ATXN7: variants seen among roughly 807,000 people sequenced by gnomAD.
ATXN7 encodes ataxin-7.
Under a neutral mutation model 70.5 loss-of-function variants are expected in ATXN7, and 12 were observed. That is an observed-to-expected ratio of 0.17 (90% CI 0.11 to 0.28). The LOEUF (loss-of-function observed/expected upper bound fraction) is 0.28. Ranked by LOEUF, ATXN7 falls within the 10% of genes least tolerant of loss-of-function variation. The pLI is 1.00. For missense variants in ATXN7, 1,256 were observed against 1,131.7 expected (o/e 1.11, Z -1.58); for synonymous variants, 498 against 448.7 (o/e 1.11, Z -1.39).
chr3:63,916,401 G>C (rs1704269880), intron 4 of ATXN7, among the ~76,000 whole-genome samples: 1 of 152,152 alleles, frequency 6.6e-6, no homozygotes, highest in Non-Finnish European at 1.5e-5. Context: ...AGCTTCCCTT[G>C]GATTCTCAAA....
intron 5 of ATXN7, among the ~76,000 whole-genome samples, chr3:63,957,024 A>G (rs1001436494): frequency 2.0e-5 from 3 of 152,166 alleles, no homozygotes; most frequent in Admixed American, 6.5e-5. Context: ...TACTACTTAC[A>G]TGCATTTACT....
Position 63,898,460 on chromosome 3 carries a change from A to C in ATXN7, c.-49A>C, listed in dbSNP as rs1418100762. The C allele has an allele frequency of 6.6e-6, 1 of 152,200 alleles. No homozygotes were observed. The highest frequency in any genetic ancestry group is 1.5e-5 in the Non-Finnish European group (1 of 68,036). 9.4% of individuals were successfully genotyped at this position (152,200 alleles called of 1,614,324 possible). Reference sequence around the variant, plus strand: ...TGCAGCAGATGAAGATCCATTGGTAAATTGATCAGGATTTTTGGCCTACCC... The same window carrying C: ...TGCAGCAGATGAAGATCCATTGGTACATTGATCAGGATTTTTGGCCTACCC... On this transcript the variant is annotated 5_prime_UTR_variant, in exon 2 of 13. The change abolishes the stop of an existing upstream ORF in the 5' untranslated region. Coordinates refer to ENST00000674280, the MANE Select transcript of ATXN7 (RefSeq NM_001377405.1).
Position 63,990,082 on chromosome 3 carries a change from G to A in ATXN7, c.1362-94G>A, listed in dbSNP as rs1280342756. 3 of 1,245,778 alleles carry A rather than the reference G, an allele frequency of 2.4e-6. No homozygotes were observed. The East Asian group carries it at 7.1e-5, about 29-fold the overall frequency. The allele number at this position is 1,245,778 out of a possible 1,614,324, so 77.2% of individuals were successfully genotyped here. A position where few individuals can be genotyped will look rare whatever the true frequency, so the allele number is the denominator to read the frequency against. On this transcript the variant is annotated intron_variant, in intron 9 of 12. Transcript: ENST00000674280. ...TGCTAGAGGTGGAACCCAGGCCTCT[G>A]CTAGGTTGTTTTGGACACACTGTTG...
chr3:63,881,277 C>T (rs1321750300), intron 1 of ATXN7, among the ~76,000 whole-genome samples: 1 of 152,074 alleles, frequency 6.6e-6, no homozygotes, highest in Non-Finnish European at 1.5e-5. Flanking sequence ...GCTGAGAATG[C>T]TGAGGTTGAG....
intron 11 of ATXN7, among the ~76,000 whole-genome samples, chr3:63,993,143 G>A (rs2075698382): frequency 6.6e-6 from 1 of 152,132 alleles, no homozygotes; most frequent in African/African-American, 2.4e-5. Flanking sequence ...TCTGCAGCAT[G>A]GCCATAACCT....
intron 2 of ATXN7, 134 bp from the exon 3 acceptor site, chr3:63,912,454 C>A: frequency 2.4e-6 from 1 of 414,624 alleles, no homozygotes; most frequent in Non-Finnish European, 3.3e-6. Context: ...GCTCGGGGGG[C>A]TGGGCGGCCA....
At chr3:63,974,142 G>A (rs1385196629) in intron 5 of ATXN7, among the ~76,000 whole-genome samples, 1 of 149,360 alleles carries the variant, frequency 6.7e-6, no homozygotes, top group Non-Finnish European at 1.5e-5. Flanking sequence ...CATCTTGGAT[G>A]CTTTAAGACC....
intron 5 of ATXN7, among the ~76,000 whole-genome samples, chr3:63,970,295 A>G (rs930146812): frequency 5.9e-5 from 9 of 152,300 alleles, no homozygotes; most frequent in African/African-American, 1.9e-4. Context: ...TCCTCTGGTC[A>G]AAAGTCTGCA....
At chr3:63,962,601 C>G (rs75253630) in intron 5 of ATXN7, among the ~76,000 whole-genome samples, 2 of 151,940 alleles carry the variant, frequency 1.3e-5, no homozygotes, top group Non-Finnish European at 2.9e-5. Context: ...GACAGAATTT[C>G]GCCATGTTGG....
At position 63,863,927 on chromosome 3, in the gene ATXN7, C is replaced by T. The variant is rs1024662087; in HGVS notation, c.-342C>T. 1 of 741,668 alleles carries T rather than the reference C, an allele frequency of 1.3e-6. No homozygotes were observed. The highest frequency in any genetic ancestry group is 1.7e-6 in the Non-Finnish European group (1 of 604,846). The allele number at this position is 741,668 out of a possible 1,614,324, so 45.9% of individuals were successfully genotyped here. A position where few individuals can be genotyped will look rare whatever the true frequency, so the allele number is the denominator to read the frequency against. On this transcript the variant is annotated 5_prime_UTR_variant, in exon 1 of 13. Coordinates refer to ENST00000674280, the MANE Select transcript of ATXN7 (RefSeq NM_001377405.1). ...GCGGCGGCGCCCGCGGCCGCCTGCT[C>T]CGACGCCTGAGCCGCGCCGCGCCGC... is the stretch of plus-strand genomic sequence containing the variant.
upstream of ATXN7, chr3:63,863,723 G>T (rs1024632373): frequency 1.6e-6 from 2 of 1,248,366 alleles, no homozygotes; most frequent in South Asian, 7.3e-5. Flanking sequence ...CTCAGGGGAG[G>T]CCCAGCGGGC....
chr3:63,978,158 A>G lies in ATXN7; in HGVS notation c.500-1757A>G, dbSNP rs1242183879. ...ACAGGGAAACTTGTCAAAAATCTGG[A>G]TGCCTAGTCCACACCCCAAACGAAT... is the stretch of plus-strand genomic sequence containing the variant. On this transcript the variant is annotated intron_variant, in intron 5 of 12. Coordinates refer to ENST00000674280, the MANE Select transcript of ATXN7 (RefSeq NM_001377405.1). Among the ~76,000 whole-genome samples, 10 of 152,168 alleles carry G rather than the reference A, an allele frequency of 6.6e-5. No homozygotes were observed. In the East Asian group the frequency reaches 1.3e-3, roughly 21 times the overall value.
Position 63,985,538 on chromosome 3 carries a change from C to A in ATXN7, c.1095+2517C>A, listed in dbSNP as rs78722978. Among the ~76,000 whole-genome samples, 476 of 152,308 alleles carry A rather than the reference C, an allele frequency of 3.1e-3. 3 individuals carry two copies. The highest frequency in any genetic ancestry group is 0.011 in the African/African-American group (457 of 41,558). ...ATCTATTAAGCTTGGTAGGGCTAAA[C>A]ATGCCTGCATGTCCCTACCCTGAGT... On this transcript the variant is annotated intron_variant, in intron 8 of 12. Coordinates refer to ENST00000674280, the MANE Select transcript of ATXN7 (RefSeq NM_001377405.1).
At chr3:63,910,186 A>C (rs1308895346) in intron 2 of ATXN7, among the ~76,000 whole-genome samples, 1 of 152,190 alleles carries the variant, frequency 6.6e-6, no homozygotes, top group Non-Finnish European at 1.5e-5. Context: ...ATATTAGTGA[A>C]TCTTGAAGTA....
At chr3:63,863,495 C>A, upstream of ATXN7, 1 of 1,179,374 alleles carries the variant, frequency 8.5e-7, no homozygotes, top group Non-Finnish European at 1.0e-6. Context: ...GACCACGCTC[C>A]CGGCACACCC....
At chr3:63,964,183 AAG>A (rs1248617748) in intron 5 of ATXN7, among the ~76,000 whole-genome samples, 2 of 150,010 alleles carry the variant, frequency 1.3e-5, no homozygotes, top group African/African-American at 2.5e-5. Context: ...ATATGAGACA[AAG>A]AGATCTTTCA....
chr3:63,876,998 A>G (rs1280845026), intron 1 of ATXN7, among the ~76,000 whole-genome samples: 3 of 152,342 alleles, frequency 2.0e-5, no homozygotes, highest in South Asian at 2.1e-4. Flanking sequence ...ATTGTGATGT[A>G]TACCAGAAAA....
intron 4 of ATXN7, among the ~76,000 whole-genome samples, chr3:63,926,661 C>G (rs1185753979): frequency 6.6e-6 from 1 of 152,078 alleles, no homozygotes; most frequent in Non-Finnish European, 1.5e-5. Context: ...GGGCTTTTTC[C>G]CACTCCTCAG....
chr3:63,995,941 C>A lies in ATXN7; in HGVS notation c.2119C>A (p.Arg707Ser), dbSNP rs1337758154. 7 of 1,614,160 alleles carry A rather than the reference C, an allele frequency of 4.3e-6. 1 individual carries two copies. The South Asian group carries it at 7.7e-5, about 18-fold the overall frequency. Residue 707 changes from arginine to serine, a missense_variant, in exon 12 of 13, where the codon CGC becomes AGC. Physicochemically the swap from Arg to Ser is moderately radical, Grantham distance 110. Coordinates refer to ENST00000674280, the MANE Select transcript of ATXN7 (RefSeq NM_001377405.1). ...TACCAGTGGCGGCTCAGGAAAGAAA[C>A]GCAAAAACAGTTCCCCACTGTTGGT... is the stretch of plus-strand genomic sequence containing the variant. The part of the protein sequence containing the change: ...SSTSGGSGKK[R>S]KNSSPLLVHS...
Sources: gnomAD v4.1 joint callset for allele counts (sites outside exome capture counted in the v4.1 genomes callset) on GRCh38, gnomAD v4.1.1 for gene constraint, MANE v1.5 for transcripts, NCBI Gene and HGNC (gene_info 2026-07-23, HGNC 2026-07-21) for gene names.